The following FAM149A variants were observed in gnomAD, a reference collection of about 807,000 sequenced individuals.
FAM149A encodes the protein family with sequence similarity 149 member A, also known as protein FAM149A.
FAM149A carries 71 observed loss-of-function variants against 78.2 expected under a neutral mutation model. The ratio of observed to expected loss-of-function variants is 0.91; its 90% CI spans 0.75 to 1.11. FAM149A has a LOEUF of 1.11. Ranked by LOEUF, FAM149A falls within the 50% of genes least tolerant of loss-of-function variation. The pLI is 0.00. For synonymous variants in FAM149A, 446 were observed against 410.5 expected (o/e 1.09, Z -1.04); for missense variants, 1,036 against 971.0 (o/e 1.07, Z -0.89).
chr4:186,171,288 G>A (rs1409644571), intron 13 of FAM149A: 2 of 152,250 alleles, frequency 1.3e-5, no homozygotes, highest in Non-Finnish European at 2.9e-5. Flanking sequence ...CGCTTCAGAG[G>A]ATGAGCTCTT....
chr4:186,155,593 T>C (rs537783580), intron 6 of FAM149A, among the ~76,000 whole-genome samples: 4 of 152,092 alleles, frequency 2.6e-5, no homozygotes, highest in East Asian at 3.9e-4. Context: ...ACCAAACTTA[T>C]GGGGTACAGT....
chr4:186,130,285 C>CTATATATATATA (rs1446324496), intron 1 of FAM149A: 2 of 40,338 alleles, frequency 5.0e-5, no homozygotes, highest in Non-Finnish European at 8.5e-5. Context: ...CTCTCTCTCT[C>CTATATATATATA]TCTCTCTCTA....
chr4:186,174,197 A>G lies in FAM149A; in HGVS notation c.*2210A>G, dbSNP rs746626157. ...TTATCACCCAGGTATTAAGCCTAGT[A>G]TCCATTAGTTATTTTTCCTGATCCT... On this transcript the variant is annotated 3_prime_UTR_variant, in exon 14 of 14. Transcript: ENST00000389354. 1.8e-5 allele frequency among the ~76,000 whole-genome samples: 2 copies of G among 108,168 alleles called. No individual in the cohort carries two copies. The highest frequency in any genetic ancestry group is 2.9e-5 in the African/African-American group (1 of 34,394). 71.0% of individuals were successfully genotyped at this position (108,168 alleles called of 152,430 possible). A position where few individuals can be genotyped will look rare whatever the true frequency, so the allele number is the denominator to read the frequency against.
rs1356427563 is a variant in FAM149A, at chr4:186,104,768, CGTCTGG to C, written c.-307_-302del. ...CGGGCGGCGGGCGGCGGGCGGCGGG[CGTCTGG>C]GGCGGGCGGCGGCCGCGCTTCCCGG... On this transcript the variant is annotated 5_prime_UTR_variant, in exon 1 of 14. Coordinates refer to ENST00000389354, the MANE Select transcript of FAM149A (RefSeq NM_001367768.3). 1.1e-4 allele frequency among the ~76,000 whole-genome samples: 15 copies of C among 142,604 alleles called. No homozygotes were observed. The highest frequency in any genetic ancestry group is 2.3e-4 in the South Asian group (1 of 4,406). The allele number at this position is 142,604 out of a possible 152,430, so 93.6% of individuals were successfully genotyped here. A position where few individuals can be genotyped will look rare whatever the true frequency, so the allele number is the denominator to read the frequency against.
rs56973296 is a variant in FAM149A at position 186,162,810 on chromosome 4, C to CTTTTTTTTTTTTTTTT, written c.1576-27_1576-12dup. 8 of 563,112 alleles carry CTTTTTTTTTTTTTTTT rather than the reference C, an allele frequency of 1.4e-5. 1 individual carries two copies. Among genetic ancestry groups the CTTTTTTTTTTTTTTTT allele is most frequent in the South Asian group, 3.9e-5 (2 of 51,672 alleles). The allele number at this position is 563,112 out of a possible 1,614,324, so 34.9% of individuals were successfully genotyped here. On this transcript the variant is annotated intron_variant, in intron 8 of 13. Transcript: ENST00000389354. The stretch of plus-strand genomic sequence containing the variant: ...GGAACGGCACTGGGCATTTGTAATT[C>CTTTTTTTTTTTTTTTT]TTTTTTTTTTTTTTTTTTTTTTTAC...
At chr4:186,128,289 A>G (rs903936559) in intron 1 of FAM149A, among the ~76,000 whole-genome samples, 2 of 151,966 alleles carry the variant, frequency 1.3e-5, no homozygotes, top group Non-Finnish European at 2.9e-5. Context: ...GCGCCTGGCC[A>G]ATATTCTGTT....
chr4:186,109,190 C>CA, intron 1 of FAM149A: 1 of 985,258 alleles, frequency 1.0e-6, no homozygotes, highest in Non-Finnish European at 1.2e-6. Context: ...GAATTCCTAG[C>CA]AATACGTAAG....
At chr4:186,138,146 C>T (rs1286896048) in intron 1 of FAM149A, among the ~76,000 whole-genome samples, 4 of 152,056 alleles carry the variant, frequency 2.6e-5, no homozygotes, top group East Asian at 1.9e-4. Context: ...AGTATCAATC[C>T]GTTACCATTA....
intron 1 of FAM149A, among the ~76,000 whole-genome samples, chr4:186,145,564 C>A (rs1163306890): frequency 1.3e-5 from 2 of 152,128 alleles, no homozygotes; most frequent in Non-Finnish European, 1.5e-5. Flanking sequence ...CAAGAAGCAA[C>A]CTAAAACAGT....
At chr4:186,110,177 T>C (rs1168232018) in intron 1 of FAM149A, 5 of 985,296 alleles carry the variant, frequency 5.1e-6, no homozygotes, top group Admixed American at 1.2e-4. Context: ...GAAGAAAATA[T>C]TTTCTTCCTC....
chr4:186,166,453 A>G (rs1328703733), intron 11 of FAM149A, among the ~76,000 whole-genome samples: 3 of 152,192 alleles, frequency 2.0e-5, no homozygotes, highest in Non-Finnish European at 4.4e-5. Context: ...GTTCGAGACC[A>G]GCCTGGCCAA....
Position 186,144,703 on chromosome 4 carries a change from C to A in FAM149A, c.567-4470C>A. 1 of 643,454 alleles carries A rather than the reference C, an allele frequency of 1.6e-6. No individual in the cohort carries two copies. Among genetic ancestry groups the A allele is most frequent in the Non-Finnish European group, 1.9e-6 (1 of 519,334 alleles). 39.9% of individuals were successfully genotyped at this position (643,454 alleles called of 1,614,324 possible). On this transcript the variant is annotated intron_variant, in intron 1 of 13. Transcript: ENST00000389354. The surrounding 1 kb of genome is among the most constrained non-coding windows in gnomAD (Gnocchi z 4.2). ...GGCCCGGCAGGGAGCGGGGAAGGCG[C>A]GCTTTCCCGGAGGTCGGCGCGGGGC...
At position 186,144,898 on chromosome 4, in the gene FAM149A, G is replaced by A. The variant is rs1445622089; in HGVS notation, c.567-4275G>A. On this transcript the variant is annotated intron_variant, in intron 1 of 13. Transcript: ENST00000389354. The surrounding 1 kb of genome is among the most constrained non-coding windows in gnomAD (Gnocchi z 4.2). Reference sequence around the variant, plus strand: ...GCCCCGCGGACCCCGGGCGCGCCCGGGCCGCCTGAGCTGGGCCAGCCGCGC... The same window carrying A: ...GCCCCGCGGACCCCGGGCGCGCCCGAGCCGCCTGAGCTGGGCCAGCCGCGC... 8 of 973,006 alleles carry A rather than the reference G, an allele frequency of 8.2e-6. No individual in the cohort carries two copies. Among genetic ancestry groups the A allele is most frequent in the Non-Finnish European group, 8.5e-6 (7 of 823,922 alleles). 60.3% of individuals were successfully genotyped at this position (973,006 alleles called of 1,614,324 possible). A position where few individuals can be genotyped will look rare whatever the true frequency, so the allele number is the denominator to read the frequency against.
In FAM149A at chr4:186,149,674, G is replaced by A. The variant is rs1482663926; in HGVS notation, c.759G>A (p.Glu253=). 2.3e-6 allele frequency: 3 copies of A among 1,288,988 alleles called. No homozygotes were observed. Among genetic ancestry groups the A allele is most frequent in the Non-Finnish European group, 3.0e-6 (3 of 988,634 alleles). 79.8% of individuals were successfully genotyped at this position (1,288,988 alleles called of 1,614,324 possible). ...GCTCTACCACCGGCTCATCCACGGA[G>A]AGGGGCTCCGTTTATTCCTGGAGAG... The change falls in exon 3 of 14, where the codon GAG becomes GAA. Residue 253 remains glutamate (E), a synonymous_variant. Coordinates refer to ENST00000389354, the MANE Select transcript of FAM149A (RefSeq NM_001367768.3).
At chr4:186,157,486 C>T (rs988039427) in intron 7 of FAM149A, 79 bp from the exon 8 acceptor site, 42 of 1,438,466 alleles carry the variant, frequency 2.9e-5, no homozygotes, top group Non-Finnish European at 9.6e-7. Context: ...CACACATATT[C>T]TCTTTCAAGA....
At chr4:186,165,088 C>G (rs576359838) in intron 10 of FAM149A, among the ~76,000 whole-genome samples, 1 of 152,284 alleles carries the variant, frequency 6.6e-6, no homozygotes, top group African/African-American at 2.4e-5. Context: ...CCTCTGACCC[C>G]CCCACACACC....
At chr4:186,125,567 T>G (rs2099317961) in intron 1 of FAM149A, 1 of 425,814 alleles carries the variant, frequency 2.3e-6, no homozygotes, top group African/African-American at 2.1e-5. Context: ...GTGAAATAGG[T>G]TTCTCACGAG....
At position 186,136,936 on chromosome 4, in the gene FAM149A, ATCTCTCTCTC is replaced by A. The variant is rs142934788; in HGVS notation, c.567-12219_567-12210del. Among the ~76,000 whole-genome samples the A allele has an allele frequency of 1.4e-4, 12 of 88,160 alleles. 1 individual carries two copies. Among genetic ancestry groups the A allele is most frequent in the Middle Eastern group, 7.1e-3 (1 of 140 alleles). 57.8% of individuals were successfully genotyped at this position (88,160 alleles called of 152,430 possible). A position where few individuals can be genotyped will look rare whatever the true frequency, so the allele number is the denominator to read the frequency against. On this transcript the variant is annotated intron_variant, in intron 1 of 13. Transcript: ENST00000389354. ...TTGTGAAGCTCAAATACACTGATTG[ATCTCTCTCTC>A]TCTCTCTCTCTCTCTCTTTCTCTCT...
Position 186,174,249 on chromosome 4 carries a change from G to C in FAM149A, c.*2262G>C, listed in dbSNP as rs1259526505. On this transcript the variant is annotated 3_prime_UTR_variant, in exon 14 of 14. Coordinates refer to ENST00000389354, the MANE Select transcript of FAM149A (RefSeq NM_001367768.3). ...TCCCTCCTTCCACCCTCCACCCTTTGATAGGCCCTAGTGTGTGCTGTTCCC... is the reference window on the plus strand; with the variant it reads ...TCCCTCCTTCCACCCTCCACCCTTTCATAGGCCCTAGTGTGTGCTGTTCCC... 9.1e-6 allele frequency among the ~76,000 whole-genome samples: 1 copy of C among 110,010 alleles called. No individual in the cohort carries two copies. The highest frequency in any genetic ancestry group is 2.3e-4 in the East Asian group (1 of 4,430). The allele number at this position is 110,010 out of a possible 152,430, so 72.2% of individuals were successfully genotyped here.
Sources: gnomAD v4.1 joint callset for allele counts (sites outside exome capture counted in the v4.1 genomes callset) on GRCh38, gnomAD v4.1.1 for gene constraint, Gnocchi (gnomAD v3.1) non-coding constraint, MANE v1.5 for transcripts, NCBI Gene and HGNC (gene_info 2026-07-23, HGNC 2026-07-21) for gene names.